The following UNC79 variants were observed in gnomAD, a reference collection of about 807,000 sequenced individuals.
UNC79 encodes unc-79 subunit of NALCN channel complex, also known as protein unc-79 homolog.
UNC79 carries 37 observed loss-of-function variants against 283.1 expected under a neutral mutation model. The ratio of observed to expected loss-of-function variants is 0.13; its 90% CI spans 0.10 to 0.17. The LOEUF (loss-of-function observed/expected upper bound fraction) is 0.17, where lower values mean the gene tolerates loss of function less well. Among genes scored for constraint, UNC79 ranks in the 10% least tolerant of loss-of-function variants. The pLI, the probability that UNC79 is intolerant of heterozygous loss-of-function variation, is 1.00. For synonymous variants in UNC79, 1,107 were observed against 1,200.2 expected (o/e 0.92, Z 1.61); for missense variants, 2,272 against 3,211.1 (o/e 0.71, Z 7.07).
intron 1 of UNC79, among the ~76,000 whole-genome samples, chr14:93,442,491 C>G (rs947874357): frequency 6.6e-6 from 1 of 151,980 alleles, no homozygotes; most frequent in Non-Finnish European, 1.5e-5. Flanking sequence ...GTATATAGAA[C>G]TATGTATTTA....
At chr14:93,371,523 A>G (rs79783062) in intron 1 of UNC79, among the ~76,000 whole-genome samples, 8 of 152,150 alleles carry the variant, frequency 5.3e-5, no homozygotes, top group Admixed American at 3.3e-4. Flanking sequence ...GGGGAAAAAA[A>G]CTTCTTACCT....
At chr14:93,592,157 A>T (rs1446270241) in intron 22 of UNC79, among the ~76,000 whole-genome samples, 1 of 149,438 alleles carries the variant, frequency 6.7e-6, no homozygotes, top group African/African-American at 2.5e-5. Context: ...TTATACATTC[A>T]TTACATAACT....
chr14:93,623,068 C>G (rs954251473), intron 30 of UNC79, among the ~76,000 whole-genome samples: 4 of 152,182 alleles, frequency 2.6e-5, no homozygotes, highest in Non-Finnish European at 5.9e-5. Flanking sequence ...TTGTTTTAAA[C>G]TCTGCAGTCA....
intron 7 of UNC79, among the ~76,000 whole-genome samples, chr14:93,516,455 G>GA (rs1277627833): frequency 8.3e-6 from 1 of 121,014 alleles, no homozygotes; most frequent in African/African-American, 3.0e-5. Flanking sequence ...TTTTTTGGGG[G>GA]GGGGGGTGGG....
At chr14:93,422,468 C>T (rs1393890311) in intron 1 of UNC79, among the ~76,000 whole-genome samples, 2 of 152,038 alleles carry the variant, frequency 1.3e-5, no homozygotes, top group African/African-American at 4.8e-5. Flanking sequence ...GTTGGCCTTT[C>T]CTGAATTCCA....
At chr14:93,350,806 G>GT (rs1254833724) in intron 1 of UNC79, among the ~76,000 whole-genome samples, 2 of 152,258 alleles carry the variant, frequency 1.3e-5, no homozygotes, top group African/African-American at 4.8e-5. Flanking sequence ...CTCTTCCTCA[G>GT]TTTTTTCATC....
chr14:93,363,821 C>T (rs111650311), intron 1 of UNC79, among the ~76,000 whole-genome samples: 21,278 of 151,902 alleles, frequency 0.14, 1,730 homozygotes, highest in African/African-American at 0.22. Flanking sequence ...CAGGTTCATG[C>T]CATTCTCCTG....
chr14:93,583,803 CT>C (rs386382193), intron 20 of UNC79, among the ~76,000 whole-genome samples: 381 of 127,134 alleles, frequency 3.0e-3, no homozygotes, highest in Middle Eastern at 8.5e-3. Context: ...TGTTGGAGGT[CT>C]TTTTTTTTTT....
chr14:93,464,632 A>G (rs1419239567), intron 1 of UNC79: 1 of 455,732 alleles, frequency 2.2e-6, no homozygotes, highest in Non-Finnish European at 4.4e-6. Context: ...CCCCGGGGGG[A>G]GTTTTGAAGA....
intron 29 of UNC79, among the ~76,000 whole-genome samples, chr14:93,618,681 G>A (rs180977570): frequency 3.3e-5 from 5 of 152,306 alleles, no homozygotes; most frequent in African/African-American, 1.2e-4. Flanking sequence ...ATAAGTCTTG[G>A]TTGGCACACA....
chr14:93,690,148 A>G lies in UNC79; in HGVS notation c.7117A>G (p.Ile2373Val). The G allele has an allele frequency of 1.2e-6, 2 of 1,614,144 alleles. No individual in the cohort carries two copies. The highest frequency in any genetic ancestry group is 1.7e-6 in the Non-Finnish European group (2 of 1,180,032). ...AGAATTCATTGAGTGTGTCTCCCATATCCGACTGTTGTCCTGGCTGCTGCT... is the reference window on the plus strand; with the variant it reads ...AGAATTCATTGAGTGTGTCTCCCATGTCCGACTGTTGTCCTGGCTGCTGCT... The change falls in exon 45 of 49, where the codon ATC becomes GTC. Residue 2373 changes from isoleucine to valine, a missense_variant. Coordinates refer to ENST00000555664, the Ensembl canonical transcript of UNC79. This position sits in a 1 kb window ranked among gnomAD's most constrained non-coding sequence, Gnocchi z 4.3.
At chr14:93,700,555 T>C (rs531439670) in intron 47 of UNC79, among the ~76,000 whole-genome samples, 3 of 152,334 alleles carry the variant, frequency 2.0e-5, no homozygotes, top group Non-Finnish European at 4.4e-5. Context: ...GCATGCCTGG[T>C]AATTTTTTAT....
intron 1 of UNC79, among the ~76,000 whole-genome samples, chr14:93,409,631 T>C (rs921932665): frequency 2.0e-5 from 3 of 152,158 alleles, no homozygotes; most frequent in African/African-American, 7.2e-5. Flanking sequence ...GAGGCTGCAC[T>C]GAAGTATGAT....
Position 93,688,526 on chromosome 14 carries a change from G to T in UNC79, c.6910-139G>T. 1.1e-6 allele frequency: 1 copy of T among 884,560 alleles called. No homozygotes were observed. The highest frequency in any genetic ancestry group is 1.7e-6 in the Non-Finnish European group (1 of 593,068). 54.8% of individuals were successfully genotyped at this position (884,560 alleles called of 1,614,324 possible). ...CTTTTATCCTAAGAACAATGGGAAG[G>T]CTCTGAAGAAGTTTAAGCAGGTTGT... On this transcript the variant is annotated intron_variant, in intron 43 of 48. Transcript: ENST00000555664. The surrounding 1 kb of genome is among the most constrained non-coding windows in gnomAD (Gnocchi z 4.0).
rs534222185 is a variant in UNC79, at chr14:93,608,155, T to A, written c.3755-4642T>A. On this transcript the variant is annotated intron_variant, in intron 26 of 48. Transcript: ENST00000555664. ...GATCAGAGGTGTGTGCCACAAATGC[T>A]TGTTCAACAAATATTTATTTTTCAC... Among the ~76,000 whole-genome samples, 4 of 152,320 alleles carry A rather than the reference T, an allele frequency of 2.6e-5. No individual in the cohort carries two copies. The South Asian group carries it at 6.2e-4, about 24-fold the overall frequency.
intron 1 of UNC79, among the ~76,000 whole-genome samples, chr14:93,391,483 CAAT>C (rs1217833904): frequency 6.6e-6 from 1 of 152,092 alleles, no homozygotes; most frequent in Non-Finnish European, 1.5e-5. Flanking sequence ...ACAAATTTGA[CAAT>C]AAAATTAAGA....
rs545812038 is a variant in UNC79, at chr14:93,343,640, T to G, written c.-351+10117T>G. On this transcript the variant is annotated intron_variant, in intron 1 of 49. Transcript: ENST00000256339. ...TTTCTAGAGAGGAATGAATTTGAGA[T>G]ATTTGGGGCTGAGGTAGTGCAATCT... Among the ~76,000 whole-genome samples the G allele has an allele frequency of 3.9e-5, 6 of 152,318 alleles. No homozygotes were observed. The South Asian group carries it at 1.2e-3, about 32-fold the overall frequency.
At chr14:93,519,447 TA>T (rs1415140804) in intron 7 of UNC79, among the ~76,000 whole-genome samples, 2 of 151,802 alleles carry the variant, frequency 1.3e-5, no homozygotes, top group Non-Finnish European at 3.0e-5. Context: ...TCATGGGTTT[TA>T]AAAAACTCAA....
intron 1 of UNC79, among the ~76,000 whole-genome samples, chr14:93,431,611 A>G (rs946850848): frequency 6.6e-6 from 1 of 152,186 alleles, no homozygotes; most frequent in Non-Finnish European, 1.5e-5. Context: ...GCCAACACCA[A>G]TGTCAAAACC....
Sources: allele counts gnomAD v4.1 joint callset (sites outside exome capture counted in the v4.1 genomes callset), GRCh38; gene constraint gnomAD v4.1.1; non-coding constraint Gnocchi (gnomAD v3.1); transcripts MANE v1.5; gene names NCBI Gene and HGNC (gene_info 2026-07-23, HGNC 2026-07-21).